The following PLB1 variants were observed in gnomAD, a reference collection of about 807,000 sequenced individuals.
PLB1 encodes the protein phospholipase B1, also known as phospholipase B1, membrane-associated.
In PLB1, 242 loss-of-function variants were observed where a neutral mutation model predicts 227.4. The ratio of observed to expected loss-of-function variants is 1.06; its 90% CI spans 0.96 to 1.18. PLB1 has a LOEUF of 1.18. Ranked by LOEUF, PLB1 falls within the 50% of genes most tolerant of loss-of-function variation. The pLI is 0.00. For synonymous variants in PLB1, 757 were observed against 682.2 expected (o/e 1.11, Z -1.71); for missense variants, 1,858 against 1,816.3 (o/e 1.02, Z -0.42).
chr2:28,537,728 T>C (rs1373418606), intron 9 of PLB1, among the ~76,000 whole-genome samples: 1 of 150,386 alleles, frequency 6.6e-6, no homozygotes, highest in Non-Finnish European at 1.5e-5. Context: ...TTGATTTTCA[T>C]GACCTGCAGG....
intron 44 of PLB1, 108 bp from the exon 45 acceptor site, chr2:28,617,619 T>C (rs147372617): frequency 0.011 from 11,725 of 1,043,742 alleles, 100 homozygotes; most frequent in Middle Eastern, 0.02. Context: ...GTATGGTGAC[T>C]CATTTCTAGC....
Position 28,625,048 on chromosome 2 carries a change from C to A in PLB1, c.3528-9C>A, listed in dbSNP as rs577795705. On this transcript the variant is annotated splice_polypyrimidine_tract_variant and intron_variant, in intron 49 of 57. Coordinates refer to ENST00000327757, the MANE Select transcript of PLB1 (RefSeq NM_153021.5). ...GGCACTAACGCCCCTCTCTCTACCC[C>A]CCACCTAGGGACATGCCAGCCCAGG... 1 of 1,613,174 alleles carries A rather than the reference C, an allele frequency of 6.2e-7. No homozygotes were observed. Among genetic ancestry groups the A allele is most frequent in the Admixed American group, 1.7e-5 (1 of 59,898 alleles).
chr2:28,642,969 G>T lies in PLB1; in HGVS notation c.4285G>T (p.Val1429Leu). 6.2e-7 allele frequency: 1 copy of T among 1,610,398 alleles called. No homozygotes were observed. Among genetic ancestry groups the T allele is most frequent in the Non-Finnish European group, 8.5e-7 (1 of 1,178,620 alleles). ...AVPVAAGVGL[V>L]VGIIGTVVWR... The stretch of plus-strand genomic sequence containing the variant: ...CCCAGTGGCAGCGGGAGTCGGCCTT[G>T]TGGTGGGCATCATCGGGACAGTGGT... Residue 1429 changes from valine (V) to leucine (L), a missense_variant, in exon 58 of 58, where the codon GTG becomes TTG. Transcript: ENST00000327757.
At chr2:28,610,672 A>G (rs1216359812) in intron 43 of PLB1, among the ~76,000 whole-genome samples, 1 of 149,878 alleles carries the variant, frequency 6.7e-6, no homozygotes, top group Non-Finnish European at 1.5e-5. Context: ...GTTTGATCCA[A>G]CCAGCACAAC....
chr2:28,628,594 A>G lies in PLB1; in HGVS notation c.3692A>G (p.His1231Arg), dbSNP rs774915857. 6.2e-7 allele frequency: 1 copy of G among 1,614,154 alleles called. No homozygotes were observed. Among genetic ancestry groups the G allele is most frequent in the East Asian group, 2.2e-5 (1 of 44,874 alleles). ...CACTTGGCCACGGAATATGTTCAGCACATCCAACAGGCCCTGGACATCCTC... is the reference window on the plus strand; with the variant it reads ...CACTTGGCCACGGAATATGTTCAGCGCATCCAACAGGCCCTGGACATCCTC... The part of the protein sequence containing the change: ...EAHLATEYVQ[H>R]IQQALDILSE... The change falls in exon 52 of 58, where the codon CAC becomes CGC. Residue 1231 changes from histidine (H) to arginine (R), a missense_variant. Transcript: ENST00000327757.
At chr2:28,525,218 G>T (rs773884027) in intron 4 of PLB1, 49 bp from the exon 5 acceptor site, 5 of 1,582,744 alleles carry the variant, frequency 3.2e-6, no homozygotes, top group Non-Finnish European at 3.5e-6. Flanking sequence ...ACTAGAAGAG[G>T]CTCTGCCACC....
At chr2:28,568,377 C>T (rs1429294586) in intron 20 of PLB1, among the ~76,000 whole-genome samples, 1 of 152,202 alleles carries the variant, frequency 6.6e-6, no homozygotes, top group Non-Finnish European at 1.5e-5. Context: ...AGGATTGAGA[C>T]AATGTTACCC....
intron 14 of PLB1, among the ~76,000 whole-genome samples, chr2:28,546,034 G>A (rs1450303062): frequency 1.3e-5 from 2 of 151,884 alleles, no homozygotes; most frequent in Non-Finnish European, 1.5e-5. Context: ...TAGCATAGGT[G>A]AGCATTGAGG....
rs1451889166 is a variant in PLB1 at position 28,539,047 on chromosome 2, C to G, written c.619-52C>G. On this transcript the variant is annotated intron_variant, in intron 10 of 57. Transcript: ENST00000327757. Reference sequence around the variant, plus strand: ...CAAGCAGGAGTTCCAGAAAGCCCGGCAGCCATGGCGACTTGGCAAATACTC... The same window carrying G: ...CAAGCAGGAGTTCCAGAAAGCCCGGGAGCCATGGCGACTTGGCAAATACTC... 3.4e-6 allele frequency: 5 copies of G among 1,462,742 alleles called. No individual in the cohort carries two copies. In the East Asian group the frequency reaches 1.1e-4, roughly 33 times the overall value. The allele number at this position is 1,462,742 out of a possible 1,614,324, so 90.6% of individuals were successfully genotyped here.
intron 54 of PLB1, among the ~76,000 whole-genome samples, chr2:28,631,722 C>T (rs78248096): frequency 0.11 from 17,101 of 152,146 alleles, 2,291 homozygotes; most frequent in African/African-American, 0.33. Context: ...GTCAGTGGCT[C>T]AGACCCAGCC....
chr2:28,582,389 G>A lies in PLB1; in HGVS notation c.1633-16G>A. 6.2e-7 allele frequency: 1 copy of A among 1,608,874 alleles called. No homozygotes were observed. The highest frequency in any genetic ancestry group is 1.1e-5 in the South Asian group (1 of 90,118). On this transcript the variant is annotated splice_polypyrimidine_tract_variant and intron_variant, in intron 24 of 57. Transcript: ENST00000327757. The stretch of plus-strand genomic sequence containing the variant: ...CCAGCCTCATCCTCTTGGTGACTGA[G>A]TTTGCCTTTTCTCAGGTTCCTCGGG...
intron 1 of PLB1, among the ~76,000 whole-genome samples, chr2:28,507,457 C>T (rs1272216978): frequency 6.6e-6 from 1 of 152,104 alleles, no homozygotes; most frequent in Non-Finnish European, 1.5e-5. Context: ...CAAACTCATC[C>T]TTTTATAACA....
intron 50 of PLB1, among the ~76,000 whole-genome samples, chr2:28,625,826 T>C (rs1687679134): frequency 6.6e-6 from 1 of 152,004 alleles, no homozygotes; most frequent in South Asian, 2.1e-4. Context: ...CACATTCTAC[T>C]TCTCCAGGGA....
At chr2:28,506,622 G>C (rs527872471) in intron 1 of PLB1, among the ~76,000 whole-genome samples, 45 of 152,288 alleles carry the variant, frequency 3.0e-4, no homozygotes, top group African/African-American at 1.1e-3. Context: ...CCGGCCTAAG[G>C]TCATGCAGCA....
At chr2:28,586,968 T>G (rs1225639185) in intron 26 of PLB1, among the ~76,000 whole-genome samples, 1 of 152,110 alleles carries the variant, frequency 6.6e-6, no homozygotes, top group Admixed American at 6.5e-5. Context: ...AGGCTGGTCT[T>G]GGACTCCTGC....
At chr2:28,600,897 T>G (rs1353838594) in intron 36 of PLB1, 37 bp downstream of exon 36, 1 of 1,572,018 alleles carries the variant, frequency 6.4e-7, no homozygotes, top group East Asian at 2.2e-5. Context: ...AACATTAATT[T>G]TCTAACCCAC....
At chr2:28,556,503 T>A (rs1033198565) in intron 17 of PLB1, among the ~76,000 whole-genome samples, 2 of 152,226 alleles carry the variant, frequency 1.3e-5, no homozygotes. Context: ...ATTTGCCAAG[T>A]GCTCTCTCCT....
intron 1 of PLB1, among the ~76,000 whole-genome samples, chr2:28,510,348 C>T (rs776844822): frequency 2.0e-5 from 3 of 152,004 alleles, no homozygotes; most frequent in Non-Finnish European, 4.4e-5. Context: ...TTCACGATCA[C>T]CACTCTCTGC....
At position 28,603,931 on chromosome 2, in the gene PLB1, G is replaced by T. The variant is rs373741647; in HGVS notation, c.2775-35G>T. The stretch of plus-strand genomic sequence containing the variant: ...GAACCAGCCCCTGATGGAAGCCTGA[G>T]CTCTGGGGCCTCCTGCCTCCCCCTC... On this transcript the variant is annotated intron_variant, in intron 39 of 57. Transcript: ENST00000327757. 5.0e-6 allele frequency: 8 copies of T among 1,595,042 alleles called. No homozygotes were observed. The African/African-American group carries it at 1.1e-4, about 21-fold the overall frequency.
Sources: allele counts gnomAD v4.1 joint callset (sites outside exome capture counted in the v4.1 genomes callset), GRCh38; gene constraint gnomAD v4.1.1; transcripts MANE v1.5; gene names NCBI Gene and HGNC (gene_info 2026-07-23, HGNC 2026-07-21).